CFAP418: variants seen among roughly 807,000 people sequenced by gnomAD.
The protein encoded by CFAP418 is cilia and flagella associated protein 418, also known as cilia- and flagella-associated protein 418.
CFAP418 carries 27 observed loss-of-function variants against 24.7 expected under a neutral mutation model. The ratio of observed to expected loss-of-function variants is 1.09; its 90% CI spans 0.81 to 1.51. The LOEUF (loss-of-function observed/expected upper bound fraction) is 1.51. Among genes scored for constraint, CFAP418 ranks in the 40% most tolerant of loss-of-function variants. The pLI, the probability that CFAP418 is intolerant of heterozygous loss-of-function variation, is 0.00. For missense variants in CFAP418, 257 were observed against 255.2 expected (o/e 1.01, Z -0.05); for synonymous variants, 74 against 87.3 (o/e 0.85, Z 0.85).
intron 1 of CFAP418, among the ~76,000 whole-genome samples, chr8:95,264,147 C>T (rs28718377): frequency 0.14 from 22,005 of 152,082 alleles, 1,768 homozygotes; most frequent in South Asian, 0.24. Context: ...TTTAACGAGT[C>T]TTCCTGACTT....
rs73266494 is a variant in CFAP418, at chr8:95,268,932, G to A, written c.155+103C>T. The A allele has an allele frequency of 6.3e-6, 8 of 1,267,006 alleles. No homozygotes were observed. In the African/African-American group the frequency reaches 8.9e-5, roughly 14 times the overall value. The allele number at this position is 1,267,006 out of a possible 1,614,324, so 78.5% of individuals were successfully genotyped here. On this transcript the variant is annotated intron_variant, in intron 1 of 5. Transcript: ENST00000286688. ...CTGAACCCTGATGCAAGGAGGGGCT[G>A]GAGGTCGCGGGCACGTTTCTTTTGG...
intron 2 of CFAP418, among the ~76,000 whole-genome samples, chr8:95,262,370 T>G (rs946950966): frequency 6.6e-6 from 1 of 152,198 alleles, no homozygotes; most frequent in African/African-American, 2.4e-5. Flanking sequence ...ATTTTTAGTC[T>G]GGGTGACAAA....
intron 5 of CFAP418, among the ~76,000 whole-genome samples, chr8:95,250,917 A>C (rs1811695918): frequency 6.6e-6 from 1 of 152,236 alleles, no homozygotes; most frequent in Non-Finnish European, 1.5e-5. Context: ...TTTACCCAAG[A>C]ATGGCTGCCA....
intron 2 of CFAP418, among the ~76,000 whole-genome samples, chr8:95,261,168 C>G (rs933401641): frequency 5.3e-5 from 8 of 152,194 alleles, no homozygotes; most frequent in African/African-American, 1.7e-4. Context: ...CACACTAGGA[C>G]CACCGCCAAG....
At chr8:95,253,304 T>C (rs1348219241) in intron 4 of CFAP418, among the ~76,000 whole-genome samples, 2 of 148,660 alleles carry the variant, frequency 1.3e-5, no homozygotes, top group Non-Finnish European at 3.0e-5. Context: ...AGCGAGACTC[T>C]GTCTCAAAAA....
chr8:95,267,471 G>A (rs1467938859), intron 1 of CFAP418, among the ~76,000 whole-genome samples: 1 of 152,128 alleles, frequency 6.6e-6, no homozygotes, highest in Non-Finnish European at 1.5e-5. Flanking sequence ...CGTGGTGGCG[G>A]GCGCCTGTAG....
intron 5 of CFAP418, among the ~76,000 whole-genome samples, chr8:95,250,832 G>C (rs1043880088): frequency 1.3e-5 from 2 of 152,072 alleles, no homozygotes; most frequent in Non-Finnish European, 2.9e-5. Flanking sequence ...GGCATTCAAA[G>C]CTTTCATAAG....
chr8:95,257,343 C>T (rs1811807386), intron 4 of CFAP418, among the ~76,000 whole-genome samples: 1 of 152,190 alleles, frequency 6.6e-6, no homozygotes, highest in South Asian at 2.1e-4. Context: ...CTTTATAGCT[C>T]TAACAGTAGG....
chr8:95,269,193 G>A lies in CFAP418; in HGVS notation c.-4C>T. The stretch of plus-strand genomic sequence containing the variant: ...GCTCGTCCAGGTCCTCCGCCATCTT[G>A]AATCGCCTGGCCTTTTCCCCTCCAA... On this transcript the variant is annotated 5_prime_UTR_variant, in exon 1 of 6. Transcript: ENST00000286688. The A allele has an allele frequency of 6.2e-7, 1 of 1,614,002 alleles. No individual in the cohort carries two copies. The highest frequency in any genetic ancestry group is 8.5e-7 in the Non-Finnish European group (1 of 1,179,876).
Position 95,263,783 on chromosome 8 carries a change from A to C in CFAP418, c.156-9T>G. The C allele has an allele frequency of 6.5e-7, 1 of 1,548,594 alleles. No homozygotes were observed. Among genetic ancestry groups the C allele is most frequent in the South Asian group, 1.1e-5 (1 of 89,220 alleles). On this transcript the variant is annotated splice_polypyrimidine_tract_variant and intron_variant, in intron 1 of 5. Transcript: ENST00000286688. ...TAAATGTTTCTGTTGATCTGAAAAGAAGACATACACAAAGAAAACTTACCT... is the reference window on the plus strand; with the variant it reads ...TAAATGTTTCTGTTGATCTGAAAAGCAGACATACACAAAGAAAACTTACCT...
intron 5 of CFAP418, among the ~76,000 whole-genome samples, chr8:95,250,582 G>C (rs1311488541): frequency 1.3e-5 from 2 of 152,180 alleles, no homozygotes; most frequent in Admixed American, 1.3e-4. Flanking sequence ...CCACTTATTA[G>C]ATTAACTAGT....
chr8:95,261,274 A>ATTGTT (rs1296012490), intron 2 of CFAP418, among the ~76,000 whole-genome samples: 3 of 152,222 alleles, frequency 2.0e-5, no homozygotes, highest in African/African-American at 7.2e-5. Context: ...AGGCGAAAAT[A>ATTGTT]TTGTTTTACT....
intron 5 of CFAP418, among the ~76,000 whole-genome samples, chr8:95,248,539 G>A (rs973553570): frequency 1.3e-5 from 2 of 151,966 alleles, no homozygotes; most frequent in African/African-American, 4.8e-5. Flanking sequence ...CATACTATCA[G>A]CAACAAAAAT....
intron 1 of CFAP418, among the ~76,000 whole-genome samples, chr8:95,268,130 C>T (rs1812032861): frequency 1.3e-5 from 2 of 152,130 alleles, no homozygotes; most frequent in Admixed American, 6.5e-5. Context: ...TTAATCTCAT[C>T]TTAACTCCCT....
rs773457975 is a variant in CFAP418, at chr8:95,246,397, T to C, written c.*1220A>G. On this transcript the variant is annotated 3_prime_UTR_variant, in exon 6 of 6. Transcript: ENST00000286688. ...ATTTTACAAGTATGTAAATGTGTCA[T>C]GGCTAGGAAAAGGATTCTAATGATC... The C allele has an allele frequency of 1.7e-4, 26 of 152,346 alleles. No individual in the cohort carries two copies. Among genetic ancestry groups the C allele is most frequent in the African/African-American group, 6.3e-4 (26 of 41,580 alleles). 9.4% of individuals were successfully genotyped at this position (152,346 alleles called of 1,614,324 possible).
intron 1 of CFAP418, among the ~76,000 whole-genome samples, chr8:95,264,296 A>G (rs1811939838): frequency 6.6e-6 from 1 of 152,158 alleles, no homozygotes; most frequent in Non-Finnish European, 1.5e-5. Flanking sequence ...AACTACCTCT[A>G]CCTTCTGCAG....
At chr8:95,262,629 C>A (rs1563473995) in intron 2 of CFAP418, among the ~76,000 whole-genome samples, 1 of 152,134 alleles carries the variant, frequency 6.6e-6, no homozygotes, top group Non-Finnish European at 1.5e-5. Flanking sequence ...ATATACTGCC[C>A]AGTATGAAAA....
chr8:95,262,261 C>T (rs1811906081), intron 2 of CFAP418, among the ~76,000 whole-genome samples: 1 of 152,108 alleles, frequency 6.6e-6, no homozygotes, highest in African/African-American at 2.4e-5. Flanking sequence ...TTTAATATTG[C>T]TATTGTGTTT....
chr8:95,268,876 G>T lies in CFAP418; in HGVS notation c.155+159C>A, dbSNP rs1004656367. 1.3e-4 allele frequency: 94 copies of T among 751,160 alleles called. 2 individuals are homozygous for T. The highest frequency in any genetic ancestry group is 1.1e-3 in the Admixed American group (46 of 41,820). The allele number at this position is 751,160 out of a possible 1,614,324, so 46.5% of individuals were successfully genotyped here. A position where few individuals can be genotyped will look rare whatever the true frequency, so the allele number is the denominator to read the frequency against. ...GAATCCGCGAAGAGGGTCGACGAAT[G>T]CGCTGCCGCGGAGGGTAGGGCGCTG... On this transcript the variant is annotated intron_variant, in intron 1 of 5. Transcript: ENST00000286688.
Sources: gnomAD v4.1 joint callset for allele counts (sites outside exome capture counted in the v4.1 genomes callset) on GRCh38, gnomAD v4.1.1 for gene constraint, MANE v1.5 for transcripts, NCBI Gene and HGNC (gene_info 2026-07-23, HGNC 2026-07-21) for gene names.